The following SPAG9 variants were observed in gnomAD, a reference collection of about 807,000 sequenced individuals.
SPAG9 encodes the protein C-Jun-amino-terminal kinase-interacting protein 4.
Under a neutral mutation model 166.5 loss-of-function variants are expected in SPAG9, and 35 were observed. The observed-to-expected ratio is 0.21, with a 90% confidence interval of 0.16 to 0.28. SPAG9 has a LOEUF of 0.28. SPAG9 is among the 10% of genes least tolerant of loss of function. SPAG9 has a pLI of 1.00. For synonymous variants in SPAG9, 534 were observed against 565.5 expected (o/e 0.94, Z 0.79); for missense variants, 1,235 against 1,603.3 (o/e 0.77, Z 3.92).
chr17:50,970,633 T>G, intron 29 of SPAG9, 74 bp downstream of exon 29: 247 of 1,225,184 alleles, frequency 2.0e-4, no homozygotes, highest in Non-Finnish European at 2.2e-4. Context: ...TCAGAGTGGT[T>G]TCTTATTTAC....
Position 51,116,719 on chromosome 17 carries a change from G to A in SPAG9, c.303+3635C>T, listed in dbSNP as rs373138190. On this transcript the variant is annotated intron_variant, in intron 1 of 29. Transcript: ENST00000262013. Reference sequence around the variant, plus strand: ...ATTGAGGCTGCAGTGAACTGTGACTGTGCCACTACACCCCAGCCTAGGCGA... The same window carrying A: ...ATTGAGGCTGCAGTGAACTGTGACTATGCCACTACACCCCAGCCTAGGCGA... 3.5e-4 allele frequency among the ~76,000 whole-genome samples: 53 copies of A among 152,250 alleles called. No homozygotes were observed. The East Asian group carries it at 8.7e-3, about 25-fold the overall frequency.
rs58721041 is a variant in SPAG9 at position 51,099,759 on chromosome 17, TAAAAAAAAAAAAAA to T, written c.304-20069_304-20056del. ...TGTTATGAAAATATTCTTCTATTAC[TAAAAAAAAAAAAAA>T]AAAAAAAAAAAAAAAACTAGAAATT... is the stretch of plus-strand genomic sequence containing the variant. On this transcript the variant is annotated intron_variant, in intron 1 of 29. Transcript: ENST00000262013. 1.0e-3 allele frequency among the ~76,000 whole-genome samples: 44 copies of T among 43,652 alleles called. No individual in the cohort carries two copies. In the South Asian group the frequency reaches 0.018, roughly 18 times the overall value. The allele number at this position is 43,652 out of a possible 152,430, so 28.6% of individuals were successfully genotyped here. A position where few individuals can be genotyped will look rare whatever the true frequency, so the allele number is the denominator to read the frequency against.
intron 26 of SPAG9, among the ~76,000 whole-genome samples, chr17:50,979,257 A>C (rs553607628): frequency 2.6e-5 from 4 of 151,756 alleles, no homozygotes; most frequent in African/African-American, 9.7e-5. Flanking sequence ...AGGCCTGTCC[A>C]GCTACTGGGA....
At chr17:50,984,811 GTATT>G in intron 24 of SPAG9, 108 bp downstream of exon 24, 1 of 825,474 alleles carries the variant, frequency 1.2e-6, no homozygotes, top group Non-Finnish European at 2.1e-6. Context: ...TGTATTGTTA[GTATT>G]TATTCTTTAA....
At chr17:51,077,029 T>TCTAGCTATCTAGCTAGCTATCTAG (rs1442787507) in intron 2 of SPAG9, among the ~76,000 whole-genome samples, 2 of 65,342 alleles carry the variant, frequency 3.1e-5, no homozygotes, top group East Asian at 4.3e-4. Flanking sequence ...TATCTAGCTA[T>TCTAGCTATCTAGCTAGCTATCTAG]CTATCTAGCT....
intron 2 of SPAG9, among the ~76,000 whole-genome samples, chr17:51,074,217 CAG>C (rs374978486): frequency 6.7e-4 from 101 of 150,306 alleles, no homozygotes; most frequent in African/African-American, 2.4e-3. Context: ...GACTGGGCGA[CAG>C]AGCGAGACTC....
rs745627787 is a variant in SPAG9 at position 51,079,598 on chromosome 17, T to C, written c.410A>G (p.Asn137Ser). 1.2e-5 allele frequency: 19 copies of C among 1,613,572 alleles called. No individual in the cohort carries two copies. Among genetic ancestry groups the C allele is most frequent in the Non-Finnish European group, 1.7e-6 (2 of 1,179,838 alleles). ...QTRQLELKAK[N>S]YADQISRLEE... ...GTTTTACTTACTCTGGTCAGCATAG[T>C]TTTTCGCTTTCAGCTCAAGTTGTCT... is the stretch of plus-strand genomic sequence containing the variant. Residue 137 changes from asparagine (N) to serine (S), a missense_variant, in exon 2 of 30, where the codon AAC (asparagine) becomes AGC (serine). By Grantham distance (46) the Asn-to-Ser change is conservative. This residue lies in a region of SPAG9 where 288 missense variants were observed against 323.7 expected (regional missense o/e 0.89). Coordinates refer to ENST00000262013, the MANE Select transcript of SPAG9 (RefSeq NM_001130528.3).
In SPAG9 at chr17:51,040,129, G is replaced by A. The variant is rs529797087; in HGVS notation, c.741+1372C>T. Among the ~76,000 whole-genome samples, 62 of 151,888 alleles carry A rather than the reference G, an allele frequency of 4.1e-4. No homozygotes were observed. The South Asian group carries it at 0.012, about 30-fold the overall frequency. ...GGGTGCTGTAATCCCAGCTACTTGG[G>A]AAGCTGAGACAGGAGAATTGCTTGA... On this transcript the variant is annotated intron_variant, in intron 5 of 29. Coordinates refer to ENST00000262013, the MANE Select transcript of SPAG9 (RefSeq NM_001130528.3).
At chr17:50,984,848 C>G in intron 24 of SPAG9, 75 bp downstream of exon 24, 1 of 1,151,432 alleles carries the variant, frequency 8.7e-7, no homozygotes. Flanking sequence ...TTCTTTAAAA[C>G]ATAAACCAAT....
intron 1 of SPAG9, among the ~76,000 whole-genome samples, chr17:51,112,968 A>C (rs1257398175): frequency 1.4e-5 from 2 of 145,768 alleles, no homozygotes; most frequent in East Asian, 4.0e-4. Context: ...TCTCTAAAAA[A>C]AAGAAAAAAA....
chr17:51,034,291 A>G (rs544125217), intron 5 of SPAG9, among the ~76,000 whole-genome samples: 11 of 152,330 alleles, frequency 7.2e-5, no homozygotes, highest in African/African-American at 2.6e-4. Context: ...TAATGGAAAA[A>G]CCCAAACCAG....
chr17:50,969,344 C>T (rs1019311655), intron 29 of SPAG9, among the ~76,000 whole-genome samples: 1 of 152,150 alleles, frequency 6.6e-6, no homozygotes, highest in South Asian at 2.1e-4. Context: ...CCCTCCAGAC[C>T]TGCTTCTCCT....
chr17:51,077,526 C>T (rs575249396), intron 2 of SPAG9, among the ~76,000 whole-genome samples: 9 of 152,074 alleles, frequency 5.9e-5, no homozygotes, highest in Non-Finnish European at 1.0e-4. Flanking sequence ...TTGAAATGTA[C>T]CAAAAGCTTG....
chr17:51,053,854 A>AATATATATATATATATAT (rs1491529465), intron 3 of SPAG9, among the ~76,000 whole-genome samples: 1 of 34,452 alleles, frequency 2.9e-5, no homozygotes, highest in African/African-American at 1.6e-4. Flanking sequence ...AAAAAAAAAA[A>AATATATATATATATATAT]GTATATATAT....
In SPAG9 at chr17:50,998,415, A is replaced by C. The variant is rs2044774183; in HGVS notation, c.1838+29T>G. ...TTCTGAACCACTAACTTAATTTAGA[A>C]TATAATGATTAATTTGGAAAAGACT... On this transcript the variant is annotated intron_variant, in intron 15 of 29. Transcript: ENST00000262013. 1.9e-6 allele frequency: 3 copies of C among 1,586,026 alleles called. No individual in the cohort carries two copies. In the East Asian group the frequency reaches 6.7e-5, roughly 35 times the overall value.
intron 6 of SPAG9, among the ~76,000 whole-genome samples, chr17:51,027,427 CT>C (rs1239438192): frequency 2.0e-5 from 3 of 149,616 alleles, no homozygotes; most frequent in African/African-American, 7.4e-5. Context: ...AGAGCAAGAC[CT>C]TGTCTCAAAA....
intron 5 of SPAG9, among the ~76,000 whole-genome samples, chr17:51,034,539 T>G (rs1371135934): frequency 6.6e-6 from 1 of 152,118 alleles, no homozygotes; most frequent in South Asian, 2.1e-4. Flanking sequence ...TAGAAAAATT[T>G]GAGAAACCAA....
rs1001480822 is a variant in SPAG9 at position 51,042,246 on chromosome 17, A to G, written c.591-595T>C. 9.9e-5 allele frequency among the ~76,000 whole-genome samples: 15 copies of G among 152,230 alleles called. 1 individual carries two copies. Among genetic ancestry groups the G allele is most frequent in the Admixed American group, 9.8e-4 (15 of 15,280 alleles). On this transcript the variant is annotated intron_variant, in intron 4 of 29. Coordinates refer to ENST00000262013, the MANE Select transcript of SPAG9 (RefSeq NM_001130528.3). ...CACTATATGAGTTCCTTTCAAGCAC[A>G]GTACATATGAGAAAACCATTGTCGG...
At chr17:51,111,849 C>T (rs754353631) in intron 1 of SPAG9, among the ~76,000 whole-genome samples, 1 of 152,092 alleles carries the variant, frequency 6.6e-6, no homozygotes, top group Non-Finnish European at 1.5e-5. Flanking sequence ...GGCAATCCAC[C>T]ACCTCGGCCT....
Sources: allele counts gnomAD v4.1 joint callset (sites outside exome capture counted in the v4.1 genomes callset), GRCh38; gene constraint gnomAD v4.1.1; regional missense constraint gnomAD v4.1.1; transcripts MANE v1.5; gene names NCBI Gene and HGNC (gene_info 2026-07-23, HGNC 2026-07-21).